The following RNF121 variants were observed in gnomAD, a reference collection of about 807,000 sequenced individuals.
RNF121 encodes ring finger protein 121.
Under a neutral mutation model 46.5 loss-of-function variants are expected in RNF121, and 21 were observed. The ratio of observed to expected loss-of-function variants is 0.45; its 90% CI spans 0.32 to 0.65. The LOEUF is 0.65. Among genes scored for constraint, RNF121 ranks in the 30% least tolerant of loss-of-function variants. The pLI is 0.04. For missense variants in RNF121, 346 were observed against 416.0 expected (o/e 0.83, Z 1.46); for synonymous variants, 139 against 144.7 (o/e 0.96, Z 0.28).
Position 71,979,377 on chromosome 11 carries a change from A to C in RNF121, c.244-3384A>C, listed in dbSNP as rs903072410. ...TTCAGAAAGCCTAATCCTGTCTCTA[A>C]ATTCCCTTCTGTCTCCCCTTTTCTC... On this transcript the variant is annotated intron_variant, in intron 3 of 8. Transcript: ENST00000361756. Among the ~76,000 whole-genome samples the C allele has an allele frequency of 2.6e-5, 4 of 151,814 alleles. No individual in the cohort carries two copies. The South Asian group carries it at 6.3e-4, about 24-fold the overall frequency.
Position 71,996,452 on chromosome 11 carries a change from C to T in RNF121, c.*137C>T, listed in dbSNP as rs994653334. 6 of 1,004,614 alleles carry T rather than the reference C, an allele frequency of 6.0e-6. 1 individual carries two copies. The South Asian group carries it at 1.0e-4, about 18-fold the overall frequency. 62.2% of individuals were successfully genotyped at this position (1,004,614 alleles called of 1,614,324 possible). The stretch of plus-strand genomic sequence containing the variant: ...CCACTCAGGACCCCTCTGGCTGTGT[C>T]GGACTGGGGAGGGATATGATGGAGA... On this transcript the variant is annotated 3_prime_UTR_variant, in exon 9 of 9. Coordinates refer to ENST00000361756, the MANE Select transcript of RNF121 (RefSeq NM_018320.5).
At position 71,968,888 on chromosome 11, in the gene RNF121, C is replaced by CTTT. The variant is rs10686485; in HGVS notation, c.243+8010_243+8012dup. On this transcript the variant is annotated intron_variant, in intron 3 of 8. Transcript: ENST00000361756. ...TAGGATTTTTCTTTTTTCTTTCTTT[C>CTTT]TTTTTTTTTTTTTTTGAGTCAGGCT... Among the ~76,000 whole-genome samples the CTTT allele has an allele frequency of 3.5e-3, 476 of 134,592 alleles. 6 individuals are homozygous for CTTT. Among genetic ancestry groups the CTTT allele is most frequent in the Middle Eastern group, 7.8e-3 (2 of 256 alleles). 88.3% of individuals were successfully genotyped at this position (134,592 alleles called of 152,430 possible). A position where few individuals can be genotyped will look rare whatever the true frequency, so the allele number is the denominator to read the frequency against.
At position 71,982,331 on chromosome 11, in the gene RNF121, A is replaced by G. The variant is rs12292971; in HGVS notation, c.244-430A>G. Among the ~76,000 whole-genome samples, 19 of 139,974 alleles carry G rather than the reference A, an allele frequency of 1.4e-4. 1 individual carries two copies. The highest frequency in any genetic ancestry group is 2.4e-4 in the Non-Finnish European group (16 of 65,618). The allele number at this position is 139,974 out of a possible 152,430, so 91.8% of individuals were successfully genotyped here. ...AACCTGGGCAACAGAGCAAGACTCC[A>G]TCTCAAAAAAAAAAAAAAAAAAAGG... On this transcript the variant is annotated intron_variant, in intron 3 of 8. Transcript: ENST00000361756.
chr11:71,991,914 G>A (rs1954869271), intron 6 of RNF121, among the ~76,000 whole-genome samples: 2 of 151,000 alleles, frequency 1.3e-5, no homozygotes, highest in Non-Finnish European at 2.9e-5. Flanking sequence ...AGACCAGCCT[G>A]AGCACCATAG....
intron 3 of RNF121, among the ~76,000 whole-genome samples, chr11:71,976,120 C>G (rs1396578923): frequency 6.6e-6 from 1 of 152,060 alleles, no homozygotes. Context: ...GTAGTCTTCT[C>G]CAGGCTTAAT....
At chr11:71,991,413 T>G (rs1954861578) in intron 6 of RNF121, among the ~76,000 whole-genome samples, 1 of 152,128 alleles carries the variant, frequency 6.6e-6, no homozygotes, top group Non-Finnish European at 1.5e-5. Flanking sequence ...TGTACAAAAA[T>G]AAACATGGTT....
At chr11:71,966,133 C>G (rs547407563) in intron 3 of RNF121, among the ~76,000 whole-genome samples, 1 of 152,316 alleles carries the variant, frequency 6.6e-6, no homozygotes, top group South Asian at 2.1e-4. Flanking sequence ...GATTCTCCTG[C>G]CTCAGCATCC....
chr11:71,981,266 G>T (rs909091675), intron 3 of RNF121, among the ~76,000 whole-genome samples: 9 of 151,898 alleles, frequency 5.9e-5, no homozygotes, highest in Admixed American at 3.3e-4. Flanking sequence ...TAGCCAGGAT[G>T]GTCTCAATCT....
intron 1 of RNF121, among the ~76,000 whole-genome samples, chr11:71,946,859 C>T (rs1447469707): frequency 7.3e-6 from 1 of 136,460 alleles, no homozygotes; most frequent in Non-Finnish European, 1.6e-5. Context: ...ATTACAGGTG[C>T]TCTGGCTCTT....
intron 5 of RNF121, 36 bp from the exon 6 acceptor site, chr11:71,990,560 AG>A: frequency 6.2e-7 from 1 of 1,609,630 alleles, no homozygotes; most frequent in South Asian, 1.1e-5. Context: ...GATATGTCTC[AG>A]GGTGGGTCTT....
In RNF121 at chr11:71,980,473, A is replaced by G. The variant is rs957093786; in HGVS notation, c.244-2288A>G. On this transcript the variant is annotated intron_variant, in intron 3 of 8. Coordinates refer to ENST00000361756, the MANE Select transcript of RNF121 (RefSeq NM_018320.5). ...GCGATTCTCCTGCCTCAGCCTCCCA[A>G]GTAGCTGGGATTATGGGTGCCCGCC... is the stretch of plus-strand genomic sequence containing the variant. 5.6e-4 allele frequency among the ~76,000 whole-genome samples: 85 copies of G among 152,142 alleles called. 1 individual carries two copies. Among genetic ancestry groups the G allele is most frequent in the African/African-American group, 1.9e-3 (78 of 41,502 alleles).
chr11:71,945,707 A>G (rs898803391), intron 1 of RNF121, among the ~76,000 whole-genome samples: 1 of 152,250 alleles, frequency 6.6e-6, no homozygotes, highest in Admixed American at 6.5e-5. Context: ...ATCCACTAGG[A>G]TGGCTAAATG....
intron 1 of RNF121, among the ~76,000 whole-genome samples, chr11:71,947,292 GA>G (rs1441493427): frequency 1.3e-5 from 2 of 152,136 alleles, no homozygotes; most frequent in East Asian, 3.9e-4. Context: ...AGGATCACTT[GA>G]GCCCAGAAGT....
chr11:71,929,107 G>A lies in RNF121; in HGVS notation c.46G>A (p.Glu16Lys). The A allele has an allele frequency of 1.1e-5, 17 of 1,551,812 alleles. No individual in the cohort carries two copies. Among genetic ancestry groups the A allele is most frequent in the Non-Finnish European group, 1.4e-5 (16 of 1,147,128 alleles). Residue 16 changes from glutamate (E) to lysine (K), a missense_variant, in exon 1 of 9, where the codon GAA becomes AAA. Transcript: ENST00000361756. Reference sequence around the variant, plus strand: ...GGAGGTTGGAGGTGGTGCTGCTGGGGAACGGGAGCTGGATGAGGTAAGCGG... The same window carrying A: ...GGAGGTTGGAGGTGGTGCTGCTGGGAAACGGGAGCTGGATGAGGTAAGCGG... Reference protein sequence around the residue: ...EVEVGGGAAGERELDEVDMSD... With the variant: ...EVEVGGGAAGKRELDEVDMSD...
chr11:71,946,003 C>A (rs1953705947), intron 1 of RNF121, among the ~76,000 whole-genome samples: 1 of 151,646 alleles, frequency 6.6e-6, no homozygotes, highest in African/African-American at 2.4e-5. Context: ...CCCTGCTACT[C>A]GGGAGGCTGA....
At chr11:71,987,916 C>T (rs927006542) in intron 5 of RNF121, among the ~76,000 whole-genome samples, 3 of 152,174 alleles carry the variant, frequency 2.0e-5, no homozygotes, top group Admixed American at 2.0e-4. Context: ...GAGCCCCATT[C>T]CCCCAGGAAC....
intron 3 of RNF121, among the ~76,000 whole-genome samples, chr11:71,970,933 A>G (rs932477504): frequency 2.0e-5 from 3 of 152,208 alleles, no homozygotes; most frequent in African/African-American, 7.2e-5. Context: ...GTAACCACCA[A>G]TCAATAAGAA....
chr11:71,949,067 A>G (rs1310332044), intron 1 of RNF121, among the ~76,000 whole-genome samples: 1 of 152,150 alleles, frequency 6.6e-6, no homozygotes, highest in African/African-American at 2.4e-5. Context: ...TACTTCTTGG[A>G]CTGTGAATAC....
intron 6 of RNF121, among the ~76,000 whole-genome samples, chr11:71,993,618 G>T (rs927353867): frequency 1.3e-5 from 2 of 152,120 alleles, no homozygotes; most frequent in African/African-American, 4.8e-5. Flanking sequence ...CACTTGAGTT[G>T]TTTCCACTTT....
Sources: gnomAD v4.1 joint callset for allele counts (sites outside exome capture counted in the v4.1 genomes callset) on GRCh38, gnomAD v4.1.1 for gene constraint, MANE v1.5 for transcripts, NCBI Gene and HGNC (gene_info 2026-07-23, HGNC 2026-07-21) for gene names.